CYP46A1: variants seen among roughly 807,000 people sequenced by gnomAD.
CYP46A1 encodes the protein cholesterol 24-hydroxylase.
CYP46A1 carries 20 observed loss-of-function variants against 63.3 expected under a neutral mutation model. That is an observed-to-expected ratio of 0.32 (90% CI 0.22 to 0.46). The LOEUF (loss-of-function observed/expected upper bound fraction) is 0.46. Ranked by LOEUF, CYP46A1 falls within the 20% of genes least tolerant of loss-of-function variation. CYP46A1 has a pLI of 1.00. For missense variants in CYP46A1, 445 were observed against 670.8 expected (o/e 0.66, Z 3.72); for synonymous variants, 268 against 273.6 (o/e 0.98, Z 0.20).
Position 99,691,874 on chromosome 14 carries a change from GT to G in CYP46A1, c.282+14del, listed in dbSNP as rs748682770. On this transcript the variant is annotated intron_variant, in intron 3 of 14. Coordinates refer to ENST00000261835, the MANE Select transcript of CYP46A1 (RefSeq NM_006668.2). The stretch of plus-strand genomic sequence containing the variant: ...TGAGTCGGTTAAGGTAGGAGGAAGA[GT>G]GGTTTCCATGAGGGAGTTCCCTGCC... 1.2e-6 allele frequency: 2 copies of G among 1,614,064 alleles called. No individual in the cohort carries two copies. The highest frequency in any genetic ancestry group is 8.5e-7 in the Non-Finnish European group (1 of 1,179,904).
chr14:99,691,263 G>A, intron 2 of CYP46A1, 102 bp downstream of exon 2: 1 of 1,181,476 alleles, frequency 8.5e-7, no homozygotes, highest in Non-Finnish European at 1.3e-6. Context: ...CCTTCCCCTA[G>A]CCCAGGTTAC....
chr14:99,698,255 C>T (rs1293619089), intron 3 of CYP46A1, among the ~76,000 whole-genome samples: 1 of 151,962 alleles, frequency 6.6e-6, no homozygotes, highest in Admixed American at 6.5e-5. Flanking sequence ...CAGCACGTTC[C>T]CCCTCATGTA....
rs1334183895 is a variant in CYP46A1 at position 99,707,592 on chromosome 14, A to ATGC, written c.613_615dup (p.Leu205dup). On this transcript the variant is annotated inframe_insertion, in exon 7 of 15. Coordinates refer to ENST00000261835, the MANE Select transcript of CYP46A1 (RefSeq NM_006668.2). The stretch of plus-strand genomic sequence containing the variant: ...GGCAGCTTTTGGGATGGAGACCAGT[A>ATGC]TGCTGCTGGGTGCCCAGAAGCCTCT... The ATGC allele has an allele frequency of 6.2e-7, 1 of 1,614,086 alleles. No individual in the cohort carries two copies. The highest frequency in any genetic ancestry group is 1.7e-5 in the Admixed American group (1 of 60,016).
chr14:99,684,583 G>T (rs2056473257), intron 1 of CYP46A1, 47 bp downstream of exon 1: 3 of 1,402,324 alleles, frequency 2.1e-6, no homozygotes, highest in Admixed American at 4.9e-5. Flanking sequence ...TGGGACTGGG[G>T]GCCTGGGGAC....
chr14:99,691,414 G>A (rs978835764), intron 2 of CYP46A1: 30 of 589,834 alleles, frequency 5.1e-5, no homozygotes, highest in Non-Finnish European at 8.1e-5. Context: ...TGTAAACTGG[G>A]TGGGGGGGTG....
rs199575465 is a variant in CYP46A1 at position 99,700,116 on chromosome 14, A to G, written c.443+15A>G. ...TTCAGCCGGAGGTGAGTGTGGCCGG[A>G]GGCTCCGTGGCTCCTGCCTGGCCAG... is the stretch of plus-strand genomic sequence containing the variant. On this transcript the variant is annotated intron_variant, in intron 5 of 14. Transcript: ENST00000261835. 211 of 1,583,522 alleles carry G rather than the reference A, an allele frequency of 1.3e-4. No individual in the cohort carries two copies. In the African/African-American group the frequency reaches 2.5e-3, roughly 19 times the overall value.
Position 99,725,363 on chromosome 14 carries a change from C to G in CYP46A1, c.1177-28C>G. On this transcript the variant is annotated intron_variant, in intron 12 of 14. Coordinates refer to ENST00000261835, the MANE Select transcript of CYP46A1 (RefSeq NM_006668.2). The surrounding 1 kb of genome is among the most constrained non-coding windows in gnomAD (Gnocchi z 4.2). ...GGTGCCAGGGGAACAACCTGGGAAC[C>G]AGAGATGAGCGGACCCTTTGCCCGC... is the stretch of plus-strand genomic sequence containing the variant. 1 of 1,603,456 alleles carries G rather than the reference C, an allele frequency of 6.2e-7. No homozygotes were observed. The highest frequency in any genetic ancestry group is 8.5e-7 in the Non-Finnish European group (1 of 1,170,530).
rs566187708 is a variant in CYP46A1, at chr14:99,689,385, T to A, written c.120-1696T>A. On this transcript the variant is annotated intron_variant, in intron 1 of 14. Coordinates refer to ENST00000261835, the MANE Select transcript of CYP46A1 (RefSeq NM_006668.2). ...ACAAACCAATAAAACAAGTTACCTC[T>A]TGGGGAAACAGGTGCAATTCCCTGG... Among the ~76,000 whole-genome samples, 20 of 152,328 alleles carry A rather than the reference T, an allele frequency of 1.3e-4. No homozygotes were observed. The East Asian group carries it at 3.9e-3, about 29-fold the overall frequency.
chr14:99,700,348 C>T (rs1270815422), intron 5 of CYP46A1, among the ~76,000 whole-genome samples: 3 of 152,164 alleles, frequency 2.0e-5, no homozygotes, highest in South Asian at 2.1e-4. Flanking sequence ...TGAGTGCCCA[C>T]GATGGCCAGA....
intron 11 of CYP46A1, 143 bp downstream of exon 11, chr14:99,721,466 G>A (rs921494369): frequency 1.5e-6 from 1 of 655,510 alleles, no homozygotes; most frequent in South Asian, 1.8e-5. Flanking sequence ...GTATCCTGAG[G>A]CCCAGGCTGC....
rs115649739 is a variant in CYP46A1, at chr14:99,721,356, A to C, written c.1065+33A>C. 1.4e-3 allele frequency: 2,012 copies of C among 1,429,088 alleles called. 21 individuals are homozygous for C. The African/African-American group carries it at 0.025, about 18-fold the overall frequency. The allele number at this position is 1,429,088 out of a possible 1,614,324, so 88.5% of individuals were successfully genotyped here. ...AAGTAGGAGGGAAGCTTCTGGGCGG[A>C]TGTGGGTGATCATGTCATCATGCCT... is the stretch of plus-strand genomic sequence containing the variant. On this transcript the variant is annotated intron_variant, in intron 11 of 14. Coordinates refer to ENST00000261835, the MANE Select transcript of CYP46A1 (RefSeq NM_006668.2).
intron 7 of CYP46A1, 132 bp from the exon 8 acceptor site, chr14:99,715,678 T>C: frequency 8.3e-7 from 1 of 1,205,806 alleles, no homozygotes; most frequent in Non-Finnish European, 1.2e-6. Flanking sequence ...GCTTCATCTT[T>C]TCTAGAATTT....
chr14:99,709,150 C>T (rs182066451), intron 7 of CYP46A1: 2 of 152,162 alleles, frequency 1.3e-5, no homozygotes, highest in East Asian at 3.9e-4. Flanking sequence ...ATGGAAAAAG[C>T]AAGGAAATAC....
At chr14:99,695,685 C>A (rs1359776539) in intron 3 of CYP46A1, among the ~76,000 whole-genome samples, 1 of 150,916 alleles carries the variant, frequency 6.6e-6, no homozygotes, top group African/African-American at 2.4e-5. Context: ...AGCTAGAGTG[C>A]AATGGCGCTA....
chr14:99,720,370 C>A (rs1366493574), intron 10 of CYP46A1, among the ~76,000 whole-genome samples: 1 of 151,350 alleles, frequency 6.6e-6, no homozygotes, highest in East Asian at 1.9e-4. Flanking sequence ...CGCAAGGGTT[C>A]TTTCTGATTT....
intron 2 of CYP46A1, chr14:99,691,379 C>G: frequency 8.4e-6 from 5 of 597,950 alleles, no homozygotes; most frequent in Non-Finnish European, 1.5e-5. Flanking sequence ...CCGTCAGAAG[C>G]TCTCTGAGCC....
rs747002018 is a variant in CYP46A1 at position 99,699,516 on chromosome 14, G to A, written c.333G>A (p.Ala111=). 1.5e-5 allele frequency: 25 copies of A among 1,614,030 alleles called. No individual in the cohort carries two copies. The highest frequency in any genetic ancestry group is 1.2e-4 in the Admixed American group (7 of 60,006). ...ACAAGGACTCCAAGATGTACCGTGCGCTCCAGACTGTGTTTGGTGAGAGGT... is the reference window on the plus strand; with the variant it reads ...ACAAGGACTCCAAGATGTACCGTGCACTCCAGACTGTGTTTGGTGAGAGGT... ...KYNKDSKMYR[A]LQTVFGERLF... is the part of the protein sequence containing the mutation. The change falls in exon 4 of 15, where the codon GCG becomes GCA. Residue 111 remains alanine (A), a synonymous_variant. Transcript: ENST00000261835.
chr14:99,695,567 C>A, intron 3 of CYP46A1: 1 of 202,206 alleles, frequency 4.9e-6, no homozygotes, highest in Non-Finnish European at 1.1e-5. Flanking sequence ...ACATTCTTTA[C>A]TCCAAGTATA....
chr14:99,709,068 C>T (rs895386160), intron 7 of CYP46A1: 2 of 152,182 alleles, frequency 1.3e-5, no homozygotes, highest in East Asian at 3.8e-4. Context: ...AAAAGTCTTT[C>T]CCTATGAAAG....
Sources: allele counts gnomAD v4.1 joint callset (sites outside exome capture counted in the v4.1 genomes callset), GRCh38; gene constraint gnomAD v4.1.1; non-coding constraint Gnocchi (gnomAD v3.1); transcripts MANE v1.5; gene names NCBI Gene and HGNC (gene_info 2026-07-23, HGNC 2026-07-21).